NTHL1: variants seen among roughly 807,000 people sequenced by gnomAD.
NTHL1 encodes nth like DNA glycosylase 1, also known as endonuclease III-like protein 1.
In NTHL1, 32 loss-of-function variants were observed where a neutral mutation model predicts 32.3. The ratio of observed to expected loss-of-function variants is 0.99; its 90% CI spans 0.75 to 1.33. The LOEUF is 1.33. NTHL1 is among the 40% of genes most tolerant of loss of function. NTHL1 has a pLI of 0.00. For missense variants in NTHL1, 501 were observed against 414.1 expected, an observed-to-expected ratio of 1.21 and a Z score of -1.82; for synonymous variants, 188 against 176.9, an observed-to-expected ratio of 1.06 and a Z score of -0.50.
intron 2 of NTHL1, among the ~76,000 whole-genome samples, chr16:2,045,566 AG>A (rs1255186580): frequency 1.3e-5 from 2 of 151,968 alleles, no homozygotes; most frequent in African/African-American, 4.8e-5. Flanking sequence ...CCTCCTAAGT[AG>A]CTGGGGTTAC....
At chr16:2,040,365 C>T in intron 4 of NTHL1, 127 bp from the exon 5 acceptor site, 2 of 872,060 alleles carry the variant, frequency 2.3e-6, no homozygotes, top group Non-Finnish European at 3.8e-6. Context: ...ACCGCAAAGC[C>T]CTGGCTGCAA....
chr16:2,040,154 G>A lies in NTHL1; in HGVS notation c.770C>T (p.Ala257Val). The change falls in exon 5 of 6, where the codon GCC becomes GTC. Residue 257 changes from alanine (A) to valine (V), a missense_variant. Transcript: ENST00000651570. ...ATKSPEETRA[A>V]LEEWLPRELW... Reference sequence around the variant, plus strand: ...ATACCTAGGCAGCCACTCCTCCAGGGCGGCGCGGGTCTCCTCTGGGGACTT... The same window carrying A: ...ATACCTAGGCAGCCACTCCTCCAGGACGGCGCGGGTCTCCTCTGGGGACTT... 6.2e-7 allele frequency: 1 copy of A among 1,613,988 alleles called. No individual in the cohort carries two copies. Among genetic ancestry groups the A allele is most frequent in the Non-Finnish European group, 8.5e-7 (1 of 1,180,036 alleles).
rs2084366900 is a variant in NTHL1 at position 2,046,183 on chromosome 16, G to T, written c.299C>A (p.Ala100Glu). Residue 100 changes from alanine (A) to glutamate (E), a missense_variant, in exon 2 of 6, where the codon GCA becomes GAA. By Grantham distance (107) the Ala-to-Glu change is moderately radical. Coordinates refer to ENST00000651570, the MANE Select transcript of NTHL1 (RefSeq NM_002528.7). The stretch of plus-strand genomic sequence containing the variant: ...CTCAGTCCCCAGATGGTCCACAGGT[G>T]CATCCTTTTTGTTCCTCATGGCACG... The part of the protein sequence containing the change: ...NIRAMRNKKD[A>E]PVDHLGTEHC... 6.2e-7 allele frequency: 1 copy of T among 1,613,158 alleles called. No homozygotes were observed. Among genetic ancestry groups the T allele is most frequent in the South Asian group, 1.1e-5 (1 of 91,092 alleles).
At position 2,047,728 on chromosome 16, in the gene NTHL1, C is replaced by G. The variant is rs1596227764; in HGVS notation, c.96G>C (p.Arg32=). Residue 32 remains arginine, a synonymous_variant, in exon 1 of 6, where the codon CGG becomes CGC. Transcript: ENST00000651570. ...RGCREEPGPL[R]RREAAAEARK... is the part of the protein sequence containing the mutation. ...CGCTACCTGCTGCAGCCTCTCTTCT[C>G]CGGAGAGGCCCGGGCTCCTCCCTAC... 1 of 1,583,232 alleles carries G rather than the reference C, an allele frequency of 6.3e-7. No individual in the cohort carries two copies. The highest frequency in any genetic ancestry group is 8.5e-7 in the Non-Finnish European group (1 of 1,171,282).
At chr16:2,041,955 G>A (rs1287266413) in intron 4 of NTHL1, 4 of 443,346 alleles carry the variant, frequency 9.0e-6, no homozygotes, top group African/African-American at 4.0e-5. Flanking sequence ...GTTTCACCAC[G>A]TTGGCCAGGC....
chr16:2,044,020 G>A lies in NTHL1; in HGVS notation c.526-294C>T, dbSNP rs1386700025. 3 of 477,722 alleles carry A rather than the reference G, an allele frequency of 6.3e-6. No homozygotes were observed. The highest frequency in any genetic ancestry group is 1.2e-5 in the Non-Finnish European group (3 of 258,900). 29.6% of individuals were successfully genotyped at this position (477,722 alleles called of 1,614,324 possible). ...CACCCAGGCCAGGCCAAGCAGGCCA[G>A]CCGCTCCCAGGAGTGGGGCTTGGCT... On this transcript the variant is annotated intron_variant, in intron 3 of 5. Transcript: ENST00000651570. The surrounding 1 kb of genome is among the most constrained non-coding windows in gnomAD (Gnocchi z 5.0).
At position 2,043,957 on chromosome 16, in the gene NTHL1, C is replaced by T. The variant is rs1052002555; in HGVS notation, c.526-231G>A. On this transcript the variant is annotated intron_variant, in intron 3 of 5. Transcript: ENST00000651570. The surrounding 1 kb of genome is among the most constrained non-coding windows in gnomAD (Gnocchi z 4.4). Reference sequence around the variant, plus strand: ...TGTGGGCCAATGATGCACGTGTAGGCTCTGGCTGGGGTTCCCCTGCCCGTC... The same window carrying T: ...TGTGGGCCAATGATGCACGTGTAGGTTCTGGCTGGGGTTCCCCTGCCCGTC... 3.5e-6 allele frequency: 2 copies of T among 571,976 alleles called. No individual in the cohort carries two copies. Among genetic ancestry groups the T allele is most frequent in the Non-Finnish European group, 6.3e-6 (2 of 318,526 alleles). 35.4% of individuals were successfully genotyped at this position (571,976 alleles called of 1,614,324 possible). A position where few individuals can be genotyped will look rare whatever the true frequency, so the allele number is the denominator to read the frequency against.
intron 1 of NTHL1, 25 bp downstream of exon 1, chr16:2,047,684 C>T (rs2150956899): frequency 1.9e-6 from 3 of 1,560,872 alleles, no homozygotes; most frequent in African/African-American, 1.4e-5. Context: ...CCTCCTCCCA[C>T]GCTCCAGCCA....
In NTHL1 at chr16:2,044,861, C is replaced by A; in HGVS notation, c.355-61G>T. On this transcript the variant is annotated intron_variant, in intron 2 of 5. Transcript: ENST00000651570. The surrounding 1 kb of genome is among the most constrained non-coding windows in gnomAD (Gnocchi z 5.0). ...GGTCCTGGGTGATTCCCTGGCCAGG[C>A]TCCGCCCCCCGCCCTCGACACACCC... 6.7e-7 allele frequency: 1 copy of A among 1,503,094 alleles called. No homozygotes were observed. Among genetic ancestry groups the A allele is most frequent in the Admixed American group, 2.0e-5 (1 of 49,762 alleles). 93.1% of individuals were successfully genotyped at this position (1,503,094 alleles called of 1,614,324 possible).
Position 2,043,979 on chromosome 16 carries a change from C to A in NTHL1, c.526-253G>T, listed in dbSNP as rs967003354. 1.9e-6 allele frequency: 1 copy of A among 536,342 alleles called. No homozygotes were observed. Among genetic ancestry groups the A allele is most frequent in the African/African-American group, 1.9e-5 (1 of 52,668 alleles). The allele number at this position is 536,342 out of a possible 1,614,324, so 33.2% of individuals were successfully genotyped here. ...AGGCTCTGGCTGGGGTTCCCCTGCC[C>A]GTCATTCCCTGCCAGCACCCAGGCC... On this transcript the variant is annotated intron_variant, in intron 3 of 5. Coordinates refer to ENST00000651570, the MANE Select transcript of NTHL1 (RefSeq NM_002528.7). The surrounding 1 kb of genome is among the most constrained non-coding windows in gnomAD (Gnocchi z 4.4).
At position 2,046,134 on chromosome 16, in the gene NTHL1, G is replaced by T. The variant is rs145185932; in HGVS notation, c.348C>A (p.Pro116=). The T allele has an allele frequency of 4.1e-5, 66 of 1,611,764 alleles. No individual in the cohort carries two copies. The highest frequency in any genetic ancestry group is 3.0e-5 in the Non-Finnish European group (35 of 1,178,968). Reference sequence around the variant, plus strand: ...AGATGGGGCCCCTGCCTACCTTTGGGGGGGCACTGGAGTCATAGCAGTGCT... The same window carrying T: ...AGATGGGGCCCCTGCCTACCTTTGGTGGGGCACTGGAGTCATAGCAGTGCT... The part of the protein sequence containing the change: ...GTEHCYDSSA[P]PKVRRYQVLL... Residue 116 remains proline, a synonymous_variant, in exon 2 of 6, where the codon CCC becomes CCA. Transcript: ENST00000651570.
Position 2,044,996 on chromosome 16 carries a change from T to C in NTHL1, c.355-196A>G, listed in dbSNP as rs1428042278. The stretch of plus-strand genomic sequence containing the variant: ...ACAACACCAGGACAATAATAGTACC[T>C]GACTCACTGGAGTAATGTGAAGCTT... On this transcript the variant is annotated intron_variant, in intron 2 of 5. Transcript: ENST00000651570. This position sits in a 1 kb window ranked among gnomAD's most constrained non-coding sequence, Gnocchi z 5.0. 6.6e-6 allele frequency among the ~76,000 whole-genome samples: 1 copy of C among 152,222 alleles called. No individual in the cohort carries two copies. The highest frequency in any genetic ancestry group is 2.4e-5 in the African/African-American group (1 of 41,448).
In NTHL1 at chr16:2,039,828, C is replaced by A; in HGVS notation, c.*96G>T. ...ATCAGCCAGATCCCATCTGCAAACACACCAAAGCTTTATTCAACAGGCGTG... is the reference window on the plus strand; with the variant it reads ...ATCAGCCAGATCCCATCTGCAAACAAACCAAAGCTTTATTCAACAGGCGTG... On this transcript the variant is annotated 3_prime_UTR_variant, in exon 6 of 6. Transcript: ENST00000651570. The A allele has an allele frequency of 6.4e-7, 1 of 1,561,178 alleles. No individual in the cohort carries two copies. Among genetic ancestry groups the A allele is most frequent in the Non-Finnish European group, 8.7e-7 (1 of 1,150,124 alleles).
rs141903513 is a variant in NTHL1, at chr16:2,046,214, T to C, written c.268A>G (p.Asn90Asp). ...EPQDWQQQLV[N>D]IRAMRNKKDA... is the part of the protein sequence containing the mutation. Reference sequence around the variant, plus strand: ...TTTTTGTTCCTCATGGCACGGATGTTGACCAGCTGTTGCTGCCAGTCCTGG... The same window carrying C: ...TTTTTGTTCCTCATGGCACGGATGTCGACCAGCTGTTGCTGCCAGTCCTGG... The change falls in exon 2 of 6, where the codon AAC becomes GAC. Residue 90 changes from asparagine to aspartate, a missense_variant. Asn to Asp is a conservative substitution (Grantham distance 23). Coordinates refer to ENST00000651570, the MANE Select transcript of NTHL1 (RefSeq NM_002528.7). The C allele has an allele frequency of 1.9e-5, 30 of 1,613,204 alleles. No homozygotes were observed. In the African/African-American group the frequency reaches 3.3e-4, roughly 18 times the overall value.
chr16:2,042,183 T>G (rs1161804385), intron 4 of NTHL1: 1 of 441,082 alleles, frequency 2.3e-6, no homozygotes, highest in African/African-American at 2.0e-5. Flanking sequence ...CTGTCTCTTG[T>G]GCCCGCTGCT....
Position 2,043,063 on chromosome 16 carries a change from C to T in NTHL1, c.685+504G>A, listed in dbSNP as rs2084291241. 1.4e-5 allele frequency among the ~76,000 whole-genome samples: 2 copies of T among 146,000 alleles called. No individual in the cohort carries two copies. The highest frequency in any genetic ancestry group is 3.0e-5 in the Non-Finnish European group (2 of 66,726). On this transcript the variant is annotated intron_variant, in intron 4 of 5. Coordinates refer to ENST00000651570, the MANE Select transcript of NTHL1 (RefSeq NM_002528.7). The surrounding 1 kb of genome is among the most constrained non-coding windows in gnomAD (Gnocchi z 4.4). ...CTCCCCACTCTGCCCTCATCTCATT[C>T]CAGAACTTCCTGCTCCTGGCCCTCT... is the stretch of plus-strand genomic sequence containing the variant.
At chr16:2,045,199 C>T (rs1052966019) in intron 2 of NTHL1, among the ~76,000 whole-genome samples, 14 of 151,786 alleles carry the variant, frequency 9.2e-5, no homozygotes, top group Admixed American at 1.3e-4. Context: ...TAGCTGGGTG[C>T]GGTGGTGCAT....
Position 2,046,240 on chromosome 16 carries a change from G to T in NTHL1, c.242C>A (p.Pro81His), listed in dbSNP as rs753642509. The change falls in exon 2 of 6, where the codon CCC (proline) becomes CAC (histidine). Residue 81 changes from proline to histidine, a missense_variant. By Grantham distance (77) the Pro-to-His change is moderately conservative. Coordinates refer to ENST00000651570, the MANE Select transcript of NTHL1 (RefSeq NM_002528.7). ...AEPLKVPVWE[P>H]QDWQQQLVNI... ...GACCAGCTGTTGCTGCCAGTCCTGG[G>T]GCTCCCAGACTGGCACCTTGAGGGG... 2 of 1,613,220 alleles carry T rather than the reference G, an allele frequency of 1.2e-6. No individual in the cohort carries two copies. Among genetic ancestry groups the T allele is most frequent in the East Asian group, 2.2e-5 (1 of 44,872 alleles).
rs564181825 is a variant in NTHL1 at position 2,040,123 on chromosome 16, A to G, written c.791+10T>C. ...CTCTTCTCCCTAGGAAGCCCCCCAC[A>G]TACTCATACCTAGGCAGCCACTCCT... is the stretch of plus-strand genomic sequence containing the variant. On this transcript the variant is annotated intron_variant, in intron 5 of 5. Coordinates refer to ENST00000651570, the MANE Select transcript of NTHL1 (RefSeq NM_002528.7). 1.1e-5 allele frequency: 18 copies of G among 1,613,178 alleles called. No individual in the cohort carries two copies. In the South Asian group the frequency reaches 1.8e-4, roughly 16 times the overall value.
Sources: allele counts gnomAD v4.1 joint callset (sites outside exome capture counted in the v4.1 genomes callset), GRCh38; gene constraint gnomAD v4.1.1; non-coding constraint Gnocchi (gnomAD v3.1); transcripts MANE v1.5; gene names NCBI Gene and HGNC (gene_info 2026-07-23, HGNC 2026-07-21).